NAALADL2: variants seen among roughly 807,000 people sequenced by gnomAD.
The protein encoded by NAALADL2 is N-acetylated alpha-linked acidic dipeptidase like 2.
NAALADL2 carries 76 observed loss-of-function variants against 87.2 expected under a neutral mutation model. That is an observed-to-expected ratio of 0.87 (90% confidence interval 0.72 to 1.05). The LOEUF (loss-of-function observed/expected upper bound fraction) is 1.05. Among genes scored for constraint, NAALADL2 ranks in the 50% least tolerant of loss-of-function variants. The probability of loss-of-function intolerance (pLI) is 0.00; values close to 1 mark genes in which losing one functional copy is unlikely to be tolerated. For missense variants in NAALADL2, 1,089 were observed against 945.8 expected, an observed-to-expected ratio of 1.15 and a Z score of -1.99; for synonymous variants, 354 against 331.0, an observed-to-expected ratio of 1.07 and a Z score of -0.75.
chr3:174,844,999 C>T (rs1171867680), intron 3 of NAALADL2, among the ~76,000 whole-genome samples: 1 of 151,682 alleles, frequency 6.6e-6, no homozygotes, highest in Non-Finnish European at 1.5e-5. Flanking sequence ...GTGGGGCTGC[C>T]TCCAGGCTAG....
At chr3:175,252,366 A>G (rs1328014662) in intron 3 of NAALADL2, among the ~76,000 whole-genome samples, 1 of 152,092 alleles carries the variant, frequency 6.6e-6, no homozygotes, top group Middle Eastern at 3.2e-3. Context: ...AGATGTTACC[A>G]TTGTCCATTG....
At chr3:175,666,299 G>A (rs988919558) in intron 11 of NAALADL2, among the ~76,000 whole-genome samples, 1 of 152,058 alleles carries the variant, frequency 6.6e-6, no homozygotes, top group Non-Finnish European at 1.5e-5. Flanking sequence ...AAAGGAGGTA[G>A]AACTGAGATG....
At chr3:175,407,190 A>G (rs1405218270) in intron 5 of NAALADL2, among the ~76,000 whole-genome samples, 1 of 152,204 alleles carries the variant, frequency 6.6e-6, no homozygotes, top group African/African-American at 2.4e-5. Flanking sequence ...TCTGAAAAAA[A>G]TAAAATAATA....
intron 2 of NAALADL2, among the ~76,000 whole-genome samples, chr3:174,620,977 G>A (rs1395109177): frequency 2.0e-5 from 3 of 151,954 alleles, no homozygotes; most frequent in Admixed American, 2.0e-4. Context: ...TTATTTTACT[G>A]CTTCTAACCT....
intron 2 of NAALADL2, among the ~76,000 whole-genome samples, chr3:175,177,311 C>G (rs1735828532): frequency 6.6e-6 from 1 of 152,088 alleles, no homozygotes; most frequent in South Asian, 2.1e-4. Flanking sequence ...CTCTATTTCT[C>G]CATGAGAACA....
intron 3 of NAALADL2, among the ~76,000 whole-genome samples, chr3:174,839,166 A>T (rs1723720186): frequency 6.6e-6 from 1 of 152,226 alleles, no homozygotes. Flanking sequence ...AAGGGACAGC[A>T]TAGATAACCC....
At chr3:174,456,411 C>CAAAAA (rs59833697) in intron 1 of NAALADL2, among the ~76,000 whole-genome samples, 1,813 of 54,618 alleles carry the variant, frequency 0.033, no homozygotes, top group Non-Finnish European at 0.043. Context: ...CAATCCTAAG[C>CAAAAA]AAAAAAAAAA....
At chr3:174,792,247 G>A (rs1327541651) in intron 3 of NAALADL2, among the ~76,000 whole-genome samples, 1 of 146,986 alleles carries the variant, frequency 6.8e-6, no homozygotes, top group Non-Finnish European at 1.5e-5. Context: ...GAAAGAAGAC[G>A]AAGATGAGGA....
At chr3:174,477,211 C>A (rs1717269436) in intron 1 of NAALADL2, among the ~76,000 whole-genome samples, 1 of 151,978 alleles carries the variant, frequency 6.6e-6, no homozygotes. Context: ...TCCTTGTGAC[C>A]ATTTTGTCCT....
chr3:174,855,031 G>A (rs1281219921), upstream of NAALADL2, among the ~76,000 whole-genome samples: 6 of 151,762 alleles, frequency 4.0e-5, no homozygotes, highest in Admixed American at 3.9e-4. Context: ...TAGAGATGGT[G>A]TTTCACCATG....
intron 1 of NAALADL2, among the ~76,000 whole-genome samples, chr3:174,516,061 T>C (rs1169158210): frequency 6.6e-6 from 1 of 152,054 alleles, no homozygotes; most frequent in Non-Finnish European, 1.5e-5. Context: ...ATTTTCATAC[T>C]GTTGTACAAC....
At chr3:174,849,636 A>G (rs1465642843) in intron 3 of NAALADL2, among the ~76,000 whole-genome samples, 3 of 150,334 alleles carry the variant, frequency 2.0e-5, no homozygotes, top group Non-Finnish European at 3.0e-5. Context: ...TTGGGAGGCT[A>G]AGGAAGGAGA....
At chr3:174,794,495 G>T (rs1717836884) in intron 3 of NAALADL2, among the ~76,000 whole-genome samples, 1 of 152,042 alleles carries the variant, frequency 6.6e-6, no homozygotes, top group African/African-American at 2.4e-5. Context: ...TACATCCATT[G>T]TTATTAAATT....
intron 5 of NAALADL2, among the ~76,000 whole-genome samples, chr3:175,340,236 C>A (rs563877453): frequency 6.6e-6 from 1 of 151,928 alleles, no homozygotes; most frequent in African/African-American, 2.4e-5. Flanking sequence ...TATAAATGTT[C>A]GATAACTATG....
intron 1 of NAALADL2, among the ~76,000 whole-genome samples, chr3:174,861,582 G>T (rs533704876): frequency 3.9e-5 from 6 of 152,136 alleles, no homozygotes; most frequent in African/African-American, 1.4e-4. Context: ...AATATGTTTT[G>T]TATATTAAAC....
chr3:175,200,189 AG>A (rs1229324367), intron 2 of NAALADL2, among the ~76,000 whole-genome samples: 1 of 151,858 alleles, frequency 6.6e-6, no homozygotes, highest in Non-Finnish European at 1.5e-5. Flanking sequence ...TACATGACTC[AG>A]TGGGCTATGA....
At chr3:175,342,669 ATTATGGCAATGAC>A (rs1481108042) in intron 5 of NAALADL2, among the ~76,000 whole-genome samples, 1 of 152,124 alleles carries the variant, frequency 6.6e-6, no homozygotes, top group Non-Finnish European at 1.5e-5. Flanking sequence ...ACTTTCTTAA[ATTATGGCAATGAC>A]TAAAAAATAG....
Position 175,401,991 on chromosome 3 carries a change from C to A in NAALADL2, c.1091-45238C>A, listed in dbSNP as rs116359640. ...AACTTCATGGAGTGACTTCCTAAGG[C>A]ACTTATATCTTCTCTTTCTCATTCA... On this transcript the variant is annotated intron_variant, in intron 5 of 13. Coordinates refer to ENST00000454872, the MANE Select transcript of NAALADL2 (RefSeq NM_207015.3). Among the ~76,000 whole-genome samples the A allele has an allele frequency of 6.5e-3, 990 of 152,056 alleles. 11 individuals carry two copies. The highest frequency in any genetic ancestry group is 0.023 in the African/African-American group (943 of 41,508).
At chr3:175,092,061 A>G (rs1720238070) in intron 1 of NAALADL2, among the ~76,000 whole-genome samples, 1 of 151,894 alleles carries the variant, frequency 6.6e-6, no homozygotes, top group African/African-American at 2.4e-5. Context: ...TGCAATTATT[A>G]TTATTAGTGT....
Sources: gnomAD v4.1 joint callset for allele counts (sites outside exome capture counted in the v4.1 genomes callset) on GRCh38, gnomAD v4.1.1 for gene constraint, MANE v1.5 for transcripts, NCBI Gene and HGNC (gene_info 2026-07-23, HGNC 2026-07-21) for gene names.